SIRPG: variants seen among roughly 807,000 people sequenced by gnomAD.
SIRPG encodes the protein signal regulatory protein gamma.
In SIRPG, 38 loss-of-function variants were observed where a neutral mutation model predicts 35.7. That is an observed-to-expected ratio of 1.06 (90% CI 0.82 to 1.40). The LOEUF (loss-of-function observed/expected upper bound fraction) is 1.40, where lower values mean the gene tolerates loss of function less well. Ranked by LOEUF, SIRPG falls within the 40% of genes most tolerant of loss-of-function variation. The pLI, the probability that SIRPG is intolerant of heterozygous loss-of-function variation, is 0.00. For missense variants in SIRPG, 519 were observed against 483.0 expected (o/e 1.07, Z -0.70); for synonymous variants, 215 against 190.4 (o/e 1.13, Z -1.06).
chr20:1,638,361 C>T (rs1376912984), intron 2 of SIRPG: 2 of 152,100 alleles, frequency 1.3e-5, no homozygotes, highest in East Asian at 1.9e-4. Context: ...TGGCTGTTAT[C>T]AAGAGGTTTG....
At chr20:1,674,773 G>T in the SIRPG span, among the ~76,000 whole-genome samples, 8 of 152,172 alleles carry the variant, frequency 5.3e-5, no homozygotes, top group Non-Finnish European at 1.2e-4. Context: ...ATAACAGCTT[G>T]ATTTAGGGGT....
chr20:1,685,290 T>C, the SIRPG span, among the ~76,000 whole-genome samples: 1 of 152,300 alleles, frequency 6.6e-6, no homozygotes. Flanking sequence ...AATGCATGTG[T>C]TGAAGCCCCA....
At chr20:1,641,080 T>C (rs1394624229) in intron 2 of SIRPG, among the ~76,000 whole-genome samples, 2 of 152,210 alleles carry the variant, frequency 1.3e-5, no homozygotes, top group African/African-American at 4.8e-5. Flanking sequence ...CTTTTTTTGT[T>C]CTGTCTCTGC....
At chr20:1,658,236 A>G (rs1387843892), upstream of SIRPG, among the ~76,000 whole-genome samples, 1 of 152,212 alleles carries the variant, frequency 6.6e-6, no homozygotes, top group Non-Finnish European at 1.5e-5. Flanking sequence ...ATGATTTTCT[A>G]TTCCAAATTG....
chr20:1,672,204 T>G, the SIRPG span, among the ~76,000 whole-genome samples: 2 of 152,182 alleles, frequency 1.3e-5, no homozygotes, highest in Non-Finnish European at 2.9e-5. Flanking sequence ...AATGGGGCCC[T>G]GTTTGCTTTG....
chr20:1,657,064 A>G (rs1294146663), intron 1 of SIRPG, among the ~76,000 whole-genome samples: 55 of 152,314 alleles, frequency 3.6e-4, no homozygotes, highest in Non-Finnish European at 1.0e-4. Context: ...AGAGAAAATG[A>G]GAATACAGAC....
the SIRPG span, among the ~76,000 whole-genome samples, chr20:1,678,555 G>T: frequency 2.6e-5 from 4 of 151,950 alleles, no homozygotes; most frequent in Admixed American, 1.3e-4. Flanking sequence ...AAAAATGAAA[G>T]ATAATAGAAT....
chr20:1,651,553 G>T (rs1169196993), intron 1 of SIRPG, among the ~76,000 whole-genome samples: 1 of 151,936 alleles, frequency 6.6e-6, no homozygotes, highest in African/African-American at 2.4e-5. Flanking sequence ...TCATGACCAG[G>T]TTAGAGTGAT....
intron 2 of SIRPG, 86 bp downstream of exon 2, chr20:1,648,966 C>G: frequency 7.9e-7 from 1 of 1,265,586 alleles, no homozygotes; most frequent in Non-Finnish European, 1.1e-6. Flanking sequence ...GAAAATCACA[C>G]CTGATTGTTG....
the SIRPG span, among the ~76,000 whole-genome samples, chr20:1,682,569 A>G: frequency 1.2e-4 from 18 of 152,364 alleles, no homozygotes; most frequent in African/African-American, 4.3e-4. Context: ...TCACATATTT[A>G]CACTTAATTG....
chr20:1,683,880 A>C, the SIRPG span, among the ~76,000 whole-genome samples: 2 of 152,022 alleles, frequency 1.3e-5, no homozygotes, highest in Non-Finnish European at 2.9e-5. Flanking sequence ...GAAGCAGGAG[A>C]ATCACTTGAA....
the SIRPG span, among the ~76,000 whole-genome samples, chr20:1,673,808 A>T: frequency 6.6e-6 from 1 of 152,218 alleles, no homozygotes; most frequent in African/African-American, 2.4e-5. Flanking sequence ...TTCCTCCATG[A>T]CATCTTCGTG....
At chr20:1,663,069 G>T in the SIRPG span, among the ~76,000 whole-genome samples, 13 of 151,838 alleles carry the variant, frequency 8.6e-5, no homozygotes, top group East Asian at 2.3e-3. Flanking sequence ...ATCCCAGCAC[G>T]TTGGGAGGCC....
chr20:1,669,350 T>C, the SIRPG span, among the ~76,000 whole-genome samples: 4 of 152,032 alleles, frequency 2.6e-5, no homozygotes, highest in Admixed American at 6.6e-5. Context: ...GAAGGGAGAG[T>C]ATAGATGAAC....
chr20:1,684,194 T>C, the SIRPG span, among the ~76,000 whole-genome samples: 14,199 of 152,226 alleles, frequency 0.093, 678 homozygotes, highest in Non-Finnish European at 0.1. Context: ...AAAAGTGATA[T>C]ACATGTAAGG....
the SIRPG span, among the ~76,000 whole-genome samples, chr20:1,672,285 C>T: frequency 6.6e-5 from 10 of 152,084 alleles, no homozygotes; most frequent in South Asian, 2.1e-4. Context: ...GTGAATACAC[C>T]GAGATCTCTC....
In SIRPG at chr20:1,635,338, A is replaced by G. The variant is rs776416912; in HGVS notation, c.1010T>C (p.Leu337Pro). The change falls in exon 4 of 6, where the codon CTG (leucine) becomes CCG (proline). Residue 337 changes from leucine to proline, a missense_variant. Leu to Pro is a moderately conservative substitution (Grantham distance 98). Coordinates refer to ENST00000303415, the MANE Select transcript of SIRPG (RefSeq NM_018556.4). ...TAGGGCAAGGCGTTTGCTGACCGCC[A>G]GCTGCCCATCATGCTTCACCTGGCA... ...LTCQVKHDGQ[L>P]AVSKRLALEV... 7 of 1,614,112 alleles carry G rather than the reference A, an allele frequency of 4.3e-6. No homozygotes were observed. In the South Asian group the frequency reaches 7.7e-5, roughly 18 times the overall value.
chr20:1,676,777 A>G, the SIRPG span: 1 of 214,178 alleles, frequency 4.7e-6, no homozygotes, highest in Non-Finnish European at 9.7e-6. Flanking sequence ...GAACCACTGG[A>G]CAGGCCCCAC....
At chr20:1,631,636 T>G (rs2147337) in intron 4 of SIRPG, among the ~76,000 whole-genome samples, 113,470 of 151,720 alleles carry the variant, frequency 0.75, 43,236 homozygotes, top group African/African-American at 0.89. Flanking sequence ...CTGTAAAGCT[T>G]ACTCTAAAAT....
Sources: allele counts gnomAD v4.1 joint callset (sites outside exome capture counted in the v4.1 genomes callset), GRCh38; gene constraint gnomAD v4.1.1; transcripts MANE v1.5; gene names NCBI Gene and HGNC (gene_info 2026-07-23, HGNC 2026-07-21).